Variants in MTAP observed in about 807,000 individuals in gnomAD.
MTAP encodes methylthioadenosine phosphorylase, also known as S-methyl-5'-thioadenosine phosphorylase.
A neutral mutation model predicts 33.6 loss-of-function variants in MTAP; 33 were observed. The observed-to-expected ratio is 0.98, with a 90% confidence interval of 0.74 to 1.31. The LOEUF is 1.31. MTAP is among the 40% of genes most tolerant of loss of function. The pLI, the probability that MTAP is intolerant of heterozygous loss-of-function variation, is 0.00. For synonymous variants in MTAP, 148 were observed against 125.7 expected, an observed-to-expected ratio of 1.18 and a Z score of -1.19; for missense variants, 367 against 360.0, an observed-to-expected ratio of 1.02 and a Z score of -0.16.
At chr9:21,868,824 G>A (rs146815178), downstream of MTAP, among the ~76,000 whole-genome samples, 11 of 152,204 alleles carry the variant, frequency 7.2e-5, no homozygotes, top group East Asian at 3.9e-4. Flanking sequence ...ACGGGAGCAC[G>A]CATCGTCATC....
At chr9:21,825,335 C>A (rs982831189) in intron 4 of MTAP, among the ~76,000 whole-genome samples, 1 of 152,174 alleles carries the variant, frequency 6.6e-6, no homozygotes, top group Non-Finnish European at 1.5e-5. Flanking sequence ...CTGCAGGGAC[C>A]ATGGAAGTGC....
chr9:21,813,255 C>G (rs1484858588), intron 1 of MTAP, among the ~76,000 whole-genome samples: 2 of 152,212 alleles, frequency 1.3e-5, no homozygotes, highest in Admixed American at 1.3e-4. Flanking sequence ...TACACTTGTC[C>G]CTGTATCCCT....
intron 1 of MTAP, among the ~76,000 whole-genome samples, chr9:21,917,170 CAA>C (rs1053399204): frequency 6.6e-6 from 1 of 152,174 alleles, no homozygotes; most frequent in African/African-American, 2.4e-5. Flanking sequence ...AGGGGAAATA[CAA>C]AGAGTCCAGT....
intron 1 of MTAP, among the ~76,000 whole-genome samples, chr9:21,804,998 G>A (rs899209088): frequency 6.6e-6 from 1 of 152,220 alleles, no homozygotes; most frequent in African/African-American, 2.4e-5. Context: ...CAGAGGGTAT[G>A]CAGAAAGCAG....
chr9:21,916,744 A>G (rs982742345), intron 1 of MTAP, among the ~76,000 whole-genome samples: 1 of 152,198 alleles, frequency 6.6e-6, no homozygotes, highest in Non-Finnish European at 1.5e-5. Context: ...CCAGATCTAG[A>G]AAAGAAGAAC....
intron 1 of MTAP, among the ~76,000 whole-genome samples, chr9:21,878,850 T>C (rs1826049630): frequency 6.6e-6 from 1 of 152,248 alleles, no homozygotes; most frequent in Admixed American, 6.5e-5. Flanking sequence ...TTAATTTCTA[T>C]GTAATTGCAT....
At chr9:21,856,097 T>C (rs1003479943) in intron 6 of MTAP, 18 of 901,428 alleles carry the variant, frequency 2.0e-5, no homozygotes, top group Admixed American at 1.9e-4. Context: ...TTATTCCTTG[T>C]GTTACTTGAA....
intron 6 of MTAP, among the ~76,000 whole-genome samples, chr9:21,855,370 C>G (rs1339167082): frequency 1.3e-5 from 2 of 152,092 alleles, no homozygotes; most frequent in Non-Finnish European, 2.9e-5. Context: ...GTTAAGCAAA[C>G]CAATATAAGA....
chr9:21,906,164 A>G (rs186779110), intron 1 of MTAP, among the ~76,000 whole-genome samples: 4 of 152,368 alleles, frequency 2.6e-5, no homozygotes, highest in Admixed American at 2.6e-4. Flanking sequence ...ACAAAACTCA[A>G]GAAGGAACAA....
chr9:21,930,264 T>C (rs1818936145), intron 1 of MTAP: 1 of 233,460 alleles, frequency 4.3e-6, no homozygotes, highest in African/African-American at 2.3e-5. Context: ...CCTGGGTGTG[T>C]TGTCATCCTT....
intron 5 of MTAP, among the ~76,000 whole-genome samples, chr9:21,849,704 G>C (rs1162910432): frequency 6.6e-6 from 1 of 152,218 alleles, no homozygotes; most frequent in African/African-American, 2.4e-5. Context: ...GAAAGACGCA[G>C]GGATGGTGAT....
chr9:21,904,960 G>A (rs935733124), intron 1 of MTAP, among the ~76,000 whole-genome samples: 6 of 152,102 alleles, frequency 3.9e-5, no homozygotes, highest in African/African-American at 7.2e-5. Flanking sequence ...TTGGTATCCC[G>A]CTGCTCAAAC....
intron 1 of MTAP, among the ~76,000 whole-genome samples, chr9:21,911,516 C>T (rs1818576218): frequency 6.6e-6 from 1 of 152,164 alleles, no homozygotes; most frequent in African/African-American, 2.4e-5. Context: ...GAAGAACCTG[C>T]TCCTGAATGA....
At chr9:21,888,612 G>C (rs892235497) in intron 1 of MTAP, among the ~76,000 whole-genome samples, 5 of 151,350 alleles carry the variant, frequency 3.3e-5, no homozygotes, top group African/African-American at 7.3e-5. Flanking sequence ...TTTAAAGTCT[G>C]TTTTGTCTGA....
intron 4 of MTAP, among the ~76,000 whole-genome samples, chr9:21,821,260 G>A (rs1036150629): frequency 2.6e-5 from 4 of 152,034 alleles, no homozygotes; most frequent in African/African-American, 7.3e-5. Context: ...TGGCTGTGGG[G>A]TTGTCATAAA....
intron 5 of MTAP, among the ~76,000 whole-genome samples, chr9:21,850,899 C>T (rs1825495002): frequency 6.6e-6 from 1 of 152,174 alleles, no homozygotes; most frequent in African/African-American, 2.4e-5. Context: ...GCATGGCCTC[C>T]ATCCTTGCCA....
intron 1 of MTAP, among the ~76,000 whole-genome samples, chr9:21,909,609 A>G (rs79208402): frequency 0.018 from 2,706 of 152,232 alleles, 86 homozygotes; most frequent in African/African-American, 0.061. Flanking sequence ...ATACTAAGCT[A>G]ATAAGTAAGC....
chr9:21,909,202 G>T (rs1818523494), intron 1 of MTAP, among the ~76,000 whole-genome samples: 1 of 151,996 alleles, frequency 6.6e-6, no homozygotes, highest in South Asian at 2.1e-4. Flanking sequence ...AACTGAGAAT[G>T]TCTTAATTTT....
chr9:21,815,712 C>T, intron 2 of MTAP, 193 bp downstream of exon 2: 2 of 567,902 alleles, frequency 3.5e-6, no homozygotes, highest in East Asian at 3.2e-5. Context: ...GGGCGCCTCA[C>T]ACTTTGATGT....
Sources: allele counts gnomAD v4.1 joint callset (sites outside exome capture counted in the v4.1 genomes callset), GRCh38; gene constraint gnomAD v4.1.1; transcripts MANE v1.5; gene names NCBI Gene and HGNC (gene_info 2026-07-23, HGNC 2026-07-21).